ABHD16A: variants seen among roughly 807,000 people sequenced by gnomAD.
The protein encoded by ABHD16A is abhydrolase domain containing 16A, phospholipase.
A neutral mutation model predicts 89.8 loss-of-function variants in ABHD16A; 47 were observed. The ratio of observed to expected loss-of-function variants is 0.52; its 90% CI spans 0.41 to 0.67. The LOEUF (loss-of-function observed/expected upper bound fraction) is 0.67. ABHD16A is among the 30% of genes least tolerant of loss of function. ABHD16A has a pLI of 0.00. For synonymous variants in ABHD16A, 251 were observed against 280.4 expected (o/e 0.90, Z 1.05); for missense variants, 580 against 734.6 (o/e 0.79, Z 2.43).
intron 1 of ABHD16A, chr6:31,702,672 G>A: frequency 6.5e-7 from 1 of 1,544,746 alleles, no homozygotes; most frequent in Non-Finnish European, 8.7e-7. Context: ...TTGGGCGGGG[G>A]TTGAGGGGAG....
chr6:31,702,616 A>G (rs1306960425), intron 1 of ABHD16A: 2 of 1,484,392 alleles, frequency 1.3e-6, no homozygotes, highest in African/African-American at 1.4e-5. Flanking sequence ...GCCTACCACC[A>G]CCCGCCAGCT....
chr6:31,697,315 C>T (rs1313812316), intron 4 of ABHD16A, among the ~76,000 whole-genome samples: 1 of 152,200 alleles, frequency 6.6e-6, no homozygotes, highest in African/African-American at 2.4e-5. Context: ...CTTCCTCAGT[C>T]TTTAAACACT....
chr6:31,687,892 C>G lies in ABHD16A; in HGVS notation c.1379G>C (p.Arg460Pro). ...LLKLLQHRYP[R>P]VMAEEGLRVV... The stretch of plus-strand genomic sequence containing the variant: ...TCGAAGACCCTCCTCTGCCATCACC[C>G]GGGGATACCTACGGAGGAAGTGCCA... Residue 460 changes from arginine to proline, a missense_variant, in exon 17 of 20, where the codon CGG (arginine) becomes CCG (proline). By Grantham distance (103) the Arg-to-Pro change is moderately radical. Coordinates refer to ENST00000395952, the MANE Select transcript of ABHD16A (RefSeq NM_021160.3). This position sits in a 1 kb window ranked among gnomAD's most constrained non-coding sequence, Gnocchi z 6.3. 6.2e-7 allele frequency: 1 copy of G among 1,612,868 alleles called. No homozygotes were observed. Among genetic ancestry groups the G allele is most frequent in the South Asian group, 1.1e-5 (1 of 91,076 alleles).
chr6:31,690,320 G>A lies in ABHD16A; in HGVS notation c.908-193C>T. ...ATGTGATTGTGTGGGGTGTGTGGTG[G>A]GGGAATGGAACAGAATGAAAAGCAT... On this transcript the variant is annotated intron_variant, in intron 10 of 19. Coordinates refer to ENST00000395952, the MANE Select transcript of ABHD16A (RefSeq NM_021160.3). This position sits in a 1 kb window ranked among gnomAD's most constrained non-coding sequence, Gnocchi z 4.1. 1 of 678,020 alleles carries A rather than the reference G, an allele frequency of 1.5e-6. No homozygotes were observed. Among genetic ancestry groups the A allele is most frequent in the Non-Finnish European group, 2.5e-6 (1 of 397,560 alleles). The allele number at this position is 678,020 out of a possible 1,614,324, so 42.0% of individuals were successfully genotyped here.
Position 31,688,882 on chromosome 6 carries a change from A to G in ABHD16A, c.1187-96T>C. 1 of 1,442,558 alleles carries G rather than the reference A, an allele frequency of 6.9e-7. No individual in the cohort carries two copies. Among genetic ancestry groups the G allele is most frequent in the Non-Finnish European group, 9.6e-7 (1 of 1,045,950 alleles). 89.4% of individuals were successfully genotyped at this position (1,442,558 alleles called of 1,614,324 possible). A position where few individuals can be genotyped will look rare whatever the true frequency, so the allele number is the denominator to read the frequency against. ...ACGGAGAAAGAAAACTGAGGCCCCC[A>G]GACAAAGGAGTCCTCCTGCTTCCAA... On this transcript the variant is annotated intron_variant, in intron 13 of 19. Transcript: ENST00000395952. The surrounding 1 kb of genome is among the most constrained non-coding windows in gnomAD (Gnocchi z 4.9).
rs1182187378 is a variant in ABHD16A at position 31,698,318 on chromosome 6, G to T, written c.344-1285C>A. Among the ~76,000 whole-genome samples, 1 of 151,004 alleles carries T rather than the reference G, an allele frequency of 6.6e-6. No homozygotes were observed. Among genetic ancestry groups the T allele is most frequent in the Non-Finnish European group, 1.5e-5 (1 of 67,844 alleles). On this transcript the variant is annotated intron_variant, in intron 4 of 19. Transcript: ENST00000395952. This position sits in a 1 kb window ranked among gnomAD's most constrained non-coding sequence, Gnocchi z 4.1. ...AGGAAAGAGGAAGATGGGACTGAAA[G>T]GATTCCAATGGGAACTCCAACCCTA...
At position 31,688,295 on chromosome 6, in the gene ABHD16A, G is replaced by T; in HGVS notation, c.1261C>A (p.Pro421Thr). The T allele has an allele frequency of 6.2e-7, 1 of 1,614,070 alleles. No homozygotes were observed. The highest frequency in any genetic ancestry group is 8.5e-7 in the Non-Finnish European group (1 of 1,179,964). Residue 421 changes from proline to threonine, a missense_variant, in exon 15 of 20, where the codon CCT becomes ACT. Pro to Thr is a conservative substitution (Grantham distance 38). Around this residue, in one of 2 missense-constraint regions of ABHD16A, gnomAD observed 415 missense variants for 568.8 expected, o/e 0.73. Coordinates refer to ENST00000395952, the MANE Select transcript of ABHD16A (RefSeq NM_021160.3). This position sits in a 1 kb window ranked among gnomAD's most constrained non-coding sequence, Gnocchi z 4.9. ...NAEQLCRYQG[P>T]VLLIRRTKDE... ...TTGGTTCTCCGGATCAGCAGTACAGGACCCTGGTATCTTCAGAGAACAGAG... is the reference window on the plus strand; with the variant it reads ...TTGGTTCTCCGGATCAGCAGTACAGTACCCTGGTATCTTCAGAGAACAGAG...
rs1003197209 is a variant in ABHD16A, at chr6:31,693,494, C to T, written c.430-62G>A. On this transcript the variant is annotated intron_variant, in intron 5 of 19. Coordinates refer to ENST00000395952, the MANE Select transcript of ABHD16A (RefSeq NM_021160.3). The surrounding 1 kb of genome is among the most constrained non-coding windows in gnomAD (Gnocchi z 5.0). ...CTCAGGGGAGGCTCTCCTACCCACC[C>T]TCAACAACACCTTCGTTATCCAGGG... 42 of 1,494,254 alleles carry T rather than the reference C, an allele frequency of 2.8e-5. No individual in the cohort carries two copies. The African/African-American group carries it at 5.3e-4, about 19-fold the overall frequency. 92.6% of individuals were successfully genotyped at this position (1,494,254 alleles called of 1,614,324 possible).
chr6:31,692,009 A>AAAGC, intron 7 of ABHD16A, 91 bp from the exon 8 acceptor site: 1 of 982,202 alleles, frequency 1.0e-6, no homozygotes, highest in Non-Finnish European at 1.5e-6. Flanking sequence ...CACAGACTGT[A>AAAGC]AGGCCTGCTT....
Position 31,690,373 on chromosome 6 carries a change from G to T in ABHD16A, c.907+166C>A. ...TAGCTAGGGACACAGGCCAGGGGAGGGATGTAAGGTTATCAAAGCAAATGG... is the reference window on the plus strand; with the variant it reads ...TAGCTAGGGACACAGGCCAGGGGAGTGATGTAAGGTTATCAAAGCAAATGG... On this transcript the variant is annotated intron_variant, in intron 10 of 19. Coordinates refer to ENST00000395952, the MANE Select transcript of ABHD16A (RefSeq NM_021160.3). The surrounding 1 kb of genome is among the most constrained non-coding windows in gnomAD (Gnocchi z 4.1). 1.3e-6 allele frequency: 1 copy of T among 757,126 alleles called. No homozygotes were observed. Among genetic ancestry groups the T allele is most frequent in the Non-Finnish European group, 2.2e-6 (1 of 447,020 alleles). 46.9% of individuals were successfully genotyped at this position (757,126 alleles called of 1,614,324 possible). A position where few individuals can be genotyped will look rare whatever the true frequency, so the allele number is the denominator to read the frequency against.
intron 4 of ABHD16A, among the ~76,000 whole-genome samples, chr6:31,699,488 AT>A (rs1330362868): frequency 6.7e-6 from 1 of 149,446 alleles, no homozygotes; most frequent in Non-Finnish European, 1.5e-5. Flanking sequence ...TCCCTTTTGA[AT>A]TTTATATAAA....
chr6:31,694,483 C>T (rs552704242), intron 5 of ABHD16A, among the ~76,000 whole-genome samples: 4 of 146,466 alleles, frequency 2.7e-5, no homozygotes, highest in Non-Finnish European at 4.4e-5. Flanking sequence ...CTCTGCCTCC[C>T]GGCTTCACGC....
intron 12 of ABHD16A, among the ~76,000 whole-genome samples, chr6:31,689,352 T>G (rs1803627651): frequency 6.6e-6 from 1 of 152,132 alleles, no homozygotes; most frequent in Non-Finnish European, 1.5e-5. Context: ...TTCCCTGATC[T>G]CCCCACCCAG....
In ABHD16A at chr6:31,687,875, C is replaced by T; in HGVS notation, c.1396G>A (p.Gly466Ser). Residue 466 changes from glycine (G) to serine (S), a missense_variant, in exon 17 of 20, where the codon GGT (glycine) becomes AGT (serine). This residue lies in a region of ABHD16A where 415 missense variants were observed against 568.8 expected (regional missense o/e 0.73). Coordinates refer to ENST00000395952, the MANE Select transcript of ABHD16A (RefSeq NM_021160.3). This position sits in a 1 kb window ranked among gnomAD's most constrained non-coding sequence, Gnocchi z 6.3. ...AACCACTGCCTCACCACTCGAAGAC[C>T]CTCCTCTGCCATCACCCGGGGATAC... The part of the protein sequence containing the change: ...HRYPRVMAEE[G>S]LRVVRQWLEA... 1 of 1,612,950 alleles carries T rather than the reference C, an allele frequency of 6.2e-7. No individual in the cohort carries two copies. The highest frequency in any genetic ancestry group is 2.2e-5 in the East Asian group (1 of 44,868).
At chr6:31,695,260 C>T (rs1159170089) in intron 5 of ABHD16A, among the ~76,000 whole-genome samples, 1 of 152,184 alleles carries the variant, frequency 6.6e-6, no homozygotes, top group African/African-American at 2.4e-5. Context: ...AGACACTGAG[C>T]CCTAGCTTTT....
At position 31,688,902 on chromosome 6, in the gene ABHD16A, T is replaced by C. The variant is rs765745368; in HGVS notation, c.1186+113A>G. On this transcript the variant is annotated intron_variant, in intron 13 of 19. Transcript: ENST00000395952. The surrounding 1 kb of genome is among the most constrained non-coding windows in gnomAD (Gnocchi z 4.9). ...CCCCCAGACAAAGGAGTCCTCCTGC[T>C]TCCAACAATGGGGCGACTTACTCCC... 7.0e-7 allele frequency: 1 copy of C among 1,424,446 alleles called. No individual in the cohort carries two copies. The highest frequency in any genetic ancestry group is 1.4e-5 in the African/African-American group (1 of 69,894). The allele number at this position is 1,424,446 out of a possible 1,614,324, so 88.2% of individuals were successfully genotyped here. A position where few individuals can be genotyped will look rare whatever the true frequency, so the allele number is the denominator to read the frequency against.
In ABHD16A at chr6:31,687,971, C is replaced by G. The variant is rs879234031; in HGVS notation, c.1370+70G>C. 6.2e-7 allele frequency: 1 copy of G among 1,612,406 alleles called. No homozygotes were observed. Among genetic ancestry groups the G allele is most frequent in the South Asian group, 1.1e-5 (1 of 91,074 alleles). The stretch of plus-strand genomic sequence containing the variant: ...TCACCATCCCTGAACCTTCCTCCCT[C>G]CTTCCCTGTGCTGGTATCAGTATCT... On this transcript the variant is annotated intron_variant, in intron 16 of 19. Coordinates refer to ENST00000395952, the MANE Select transcript of ABHD16A (RefSeq NM_021160.3). The surrounding 1 kb of genome is among the most constrained non-coding windows in gnomAD (Gnocchi z 6.3).
intron 4 of ABHD16A, among the ~76,000 whole-genome samples, chr6:31,699,338 G>C (rs1289394395): frequency 1.3e-5 from 2 of 151,008 alleles, no homozygotes; most frequent in East Asian, 3.9e-4. Context: ...GAACCCGGGA[G>C]GCGGAGCTTG....
At position 31,690,636 on chromosome 6, in the gene ABHD16A, C is replaced by T. The variant is rs1267582709; in HGVS notation, c.844-34G>A. Reference sequence around the variant, plus strand: ...GAGGCAGGAAGGAAGGGCTGGGGGGCCAAGTTGGGACTGAAAAACTCCCTT... The same window carrying T: ...GAGGCAGGAAGGAAGGGCTGGGGGGTCAAGTTGGGACTGAAAAACTCCCTT... On this transcript the variant is annotated intron_variant, in intron 9 of 19. Coordinates refer to ENST00000395952, the MANE Select transcript of ABHD16A (RefSeq NM_021160.3). This position sits in a 1 kb window ranked among gnomAD's most constrained non-coding sequence, Gnocchi z 4.1. 1 of 1,607,896 alleles carries T rather than the reference C, an allele frequency of 6.2e-7. No homozygotes were observed. Among genetic ancestry groups the T allele is most frequent in the East Asian group, 2.2e-5 (1 of 44,842 alleles).
Sources: gnomAD v4.1 joint callset for allele counts (sites outside exome capture counted in the v4.1 genomes callset) on GRCh38, gnomAD v4.1.1 for gene constraint, gnomAD v4.1.1 regional missense constraint, Gnocchi (gnomAD v3.1) non-coding constraint, MANE v1.5 for transcripts, NCBI Gene and HGNC (gene_info 2026-07-23, HGNC 2026-07-21) for gene names.